Variants in QRFPR observed in about 807,000 individuals in gnomAD.
The protein encoded by QRFPR is pyroglutamylated RF-amide peptide receptor.
In QRFPR, 37 loss-of-function variants were observed where a neutral mutation model predicts 31.3. The ratio of observed to expected loss-of-function variants is 1.18; its 90% confidence interval spans 0.91 to 1.56. The LOEUF is 1.56. Among genes scored for constraint, QRFPR ranks in the 40% most tolerant of loss-of-function variants. The pLI, the probability that QRFPR is intolerant of heterozygous loss-of-function variation, is 0.00. For missense variants in QRFPR, 542 were observed against 532.5 expected (o/e 1.02, Z -0.18); for synonymous variants, 197 against 192.0 (o/e 1.03, Z -0.22).
At chr4:121,349,097 C>A (rs1297206616) in intron 1 of QRFPR, among the ~76,000 whole-genome samples, 1 of 147,272 alleles carries the variant, frequency 6.8e-6, no homozygotes, top group Non-Finnish European at 1.5e-5. Flanking sequence ...AAGACTCCAT[C>A]TCAAAAAAAT....
chr4:121,378,411 T>C (rs997322557), intron 1 of QRFPR, among the ~76,000 whole-genome samples: 1 of 144,098 alleles, frequency 6.9e-6, no homozygotes, highest in East Asian at 2.0e-4. Flanking sequence ...ACTGCACTTT[T>C]TTTTTTTTTT....
At chr4:121,334,769 C>T (rs768537844) in intron 3 of QRFPR, 4 of 225,202 alleles carry the variant, frequency 1.8e-5, no homozygotes, top group Non-Finnish European at 2.8e-5. Flanking sequence ...ATGAGAGAGA[C>T]CCCAGTACAA....
intron 1 of QRFPR, among the ~76,000 whole-genome samples, chr4:121,348,939 T>C (rs778558495): frequency 5.5e-4 from 83 of 151,804 alleles, no homozygotes; most frequent in Non-Finnish European, 1.1e-3. Context: ...CTACTAAAAA[T>C]ACAAAAAATT....
intron 1 of QRFPR, among the ~76,000 whole-genome samples, chr4:121,373,587 A>G (rs1378837884): frequency 6.6e-6 from 1 of 152,246 alleles, no homozygotes; most frequent in African/African-American, 2.4e-5. Context: ...CAATCTTACC[A>G]TATGTAAATT....
chr4:121,364,649 A>AC lies in QRFPR; in HGVS notation c.340+15658_340+15659insG, dbSNP rs1726054496. Among the ~76,000 whole-genome samples, 5 of 148,716 alleles carry AC rather than the reference A, an allele frequency of 3.4e-5. No homozygotes were observed. The South Asian group carries it at 1.1e-3, about 32-fold the overall frequency. ...AGCGAGACTCCATCTTAAAAAAAAAAAGAAAAGAAAAAAGAAAAAGAAAAC... is the reference window on the plus strand; with the variant it reads ...AGCGAGACTCCATCTTAAAAAAAAAACAGAAAAGAAAAAAGAAAAAGAAAAC... On this transcript the variant is annotated intron_variant, in intron 1 of 5. Transcript: ENST00000394427.
intron 1 of QRFPR, among the ~76,000 whole-genome samples, chr4:121,341,662 C>T (rs57958123): frequency 0.014 from 2,142 of 152,248 alleles, 56 homozygotes; most frequent in African/African-American, 0.049. Context: ...CTTAAGGCTA[C>T]GTGTGTAAGG....
rs564951793 is a variant in QRFPR at position 121,342,323 on chromosome 4, C to T, written c.341-1713G>A. On this transcript the variant is annotated intron_variant, in intron 1 of 5. Transcript: ENST00000394427. ...GATCTCCACCACTGGCTTTCCTGGGCATCTAGGTGGCAGATAGTGGATCAT... is the reference window on the plus strand; with the variant it reads ...GATCTCCACCACTGGCTTTCCTGGGTATCTAGGTGGCAGATAGTGGATCAT... 2.6e-5 allele frequency among the ~76,000 whole-genome samples: 4 copies of T among 152,286 alleles called. No individual in the cohort carries two copies. In the South Asian group the frequency reaches 8.3e-4, roughly 32 times the overall value.
intron 1 of QRFPR, chr4:121,369,322 C>T (rs1358916572): frequency 3.6e-6 from 2 of 560,974 alleles, no homozygotes; most frequent in East Asian, 2.9e-5. Context: ...AGCCACTGTG[C>T]CCAGCTGATT....
At chr4:121,330,402 C>T in intron 5 of QRFPR, 24 bp downstream of exon 5, 1 of 1,478,586 alleles carries the variant, frequency 6.8e-7, no homozygotes, top group Non-Finnish European at 9.4e-7. Flanking sequence ...GAATGTCTAT[C>T]AAATGAGAAT....
chr4:121,346,952 A>G (rs1329969704), intron 1 of QRFPR, among the ~76,000 whole-genome samples: 2 of 152,152 alleles, frequency 1.3e-5, no homozygotes, highest in Non-Finnish European at 2.9e-5. Flanking sequence ...TTGTGTGCCC[A>G]TGTTCATAAG....
chr4:121,343,284 G>A (rs1725578999), intron 1 of QRFPR, among the ~76,000 whole-genome samples: 1 of 152,114 alleles, frequency 6.6e-6, no homozygotes, highest in Non-Finnish European at 1.5e-5. Flanking sequence ...TAGACATTTT[G>A]TTAACCCAAG....
At chr4:121,351,832 ATAAAG>A (rs1013793771) in intron 1 of QRFPR, among the ~76,000 whole-genome samples, 28 of 135,444 alleles carry the variant, frequency 2.1e-4, no homozygotes, top group African/African-American at 6.8e-4. Flanking sequence ...CCGAGTTAGT[ATAAAG>A]TAATGTAAAA....
At chr4:121,373,888 T>C (rs1726300151) in intron 1 of QRFPR, among the ~76,000 whole-genome samples, 1 of 152,216 alleles carries the variant, frequency 6.6e-6, no homozygotes, top group South Asian at 2.1e-4. Context: ...TCCTTCCAGT[T>C]AAATCCTTTC....
chr4:121,377,770 G>A (rs1335268850), intron 1 of QRFPR, among the ~76,000 whole-genome samples: 1 of 152,152 alleles, frequency 6.6e-6, no homozygotes, highest in African/African-American at 2.4e-5. Context: ...GAAGGGCACA[G>A]ATAGACTTTA....
At chr4:121,370,206 G>A (rs1726208261) in intron 1 of QRFPR, 5 of 774,246 alleles carry the variant, frequency 6.5e-6, no homozygotes, top group Non-Finnish European at 1.2e-5. Context: ...CATGTCTGAT[G>A]GAGGAGGAGT....
chr4:121,365,897 C>T (rs1229820764), intron 1 of QRFPR, among the ~76,000 whole-genome samples: 1 of 146,230 alleles, frequency 6.8e-6, no homozygotes, highest in Non-Finnish European at 1.5e-5. Flanking sequence ...ATACAGACTT[C>T]TATGAATATG....
chr4:121,343,463 A>C (rs1370291767), intron 1 of QRFPR, among the ~76,000 whole-genome samples: 1 of 152,200 alleles, frequency 6.6e-6, no homozygotes, highest in Non-Finnish European at 1.5e-5. Context: ...GTTCAAACTT[A>C]AGGCCGTCTT....
chr4:121,365,679 A>AT, intron 1 of QRFPR, among the ~76,000 whole-genome samples: 1 of 90,896 alleles, frequency 1.1e-5, no homozygotes, highest in African/African-American at 4.8e-5. Flanking sequence ...TATATTATAT[A>AT]TATATATAAA....
At chr4:121,357,223 A>G (rs1725887586) in intron 1 of QRFPR, among the ~76,000 whole-genome samples, 1 of 152,054 alleles carries the variant, frequency 6.6e-6, no homozygotes, top group Non-Finnish European at 1.5e-5. Context: ...TCTAGTTTCT[A>G]GAGGTTGTCT....
Sources: gnomAD v4.1 joint callset for allele counts (sites outside exome capture counted in the v4.1 genomes callset) on GRCh38, gnomAD v4.1.1 for gene constraint, MANE v1.5 for transcripts, NCBI Gene and HGNC (gene_info 2026-07-23, HGNC 2026-07-21) for gene names.